DLG5: variants seen among roughly 807,000 people sequenced by gnomAD.
DLG5 encodes discs large MAGUK scaffold protein 5, also known as disks large homolog 5.
Under a neutral mutation model 189.8 loss-of-function variants are expected in DLG5, and 48 were observed. That is an observed-to-expected ratio of 0.25 (90% CI 0.20 to 0.32). The LOEUF (loss-of-function observed/expected upper bound fraction) is 0.32. Among genes scored for constraint, DLG5 ranks in the 10% least tolerant of loss-of-function variants. The pLI is 1.00. For synonymous variants in DLG5, 1,016 were observed against 1,054.1 expected, an observed-to-expected ratio of 0.96 and a Z score of 0.70; for missense variants, 2,160 against 2,544.7, an observed-to-expected ratio of 0.85 and a Z score of 3.25.
At chr10:77,858,596 C>A (rs12247985) in intron 2 of DLG5, among the ~76,000 whole-genome samples, 19,091 of 152,078 alleles carry the variant, frequency 0.13, 3,991 homozygotes, top group African/African-American at 0.43. Context: ...CGAGATCACA[C>A]CACTGTATTC....
At chr10:77,923,646 T>C (rs1846600758) in intron 1 of DLG5, among the ~76,000 whole-genome samples, 1 of 152,104 alleles carries the variant, frequency 6.6e-6, no homozygotes, top group Non-Finnish European at 1.5e-5. Context: ...TGGTCCCAGC[T>C]ACTTGCGGGG....
chr10:77,809,418 A>G, intron 24 of DLG5, 129 bp downstream of exon 24: 1 of 1,078,974 alleles, frequency 9.3e-7, no homozygotes, highest in Non-Finnish European at 1.3e-6. Flanking sequence ...CAACAACAAC[A>G]AAAGTCAGCC....
At position 77,821,077 on chromosome 10, in the gene DLG5, T is replaced by A. The variant is rs1270342210; in HGVS notation, c.3402+5A>T. On this transcript the variant is annotated splice_donor_5th_base_variant and intron_variant, in intron 15 of 31. Transcript: ENST00000372391. Reference sequence around the variant, plus strand: ...CCCTCCCCACACCCTGGGGCTCAGCTATACCTCCAGGAACTGAGCAGGAAT... The same window carrying A: ...CCCTCCCCACACCCTGGGGCTCAGCAATACCTCCAGGAACTGAGCAGGAAT... 6.2e-7 allele frequency: 1 copy of A among 1,602,042 alleles called. No individual in the cohort carries two copies. The highest frequency in any genetic ancestry group is 1.3e-5 in the African/African-American group (1 of 74,804).
intron 13 of DLG5, among the ~76,000 whole-genome samples, chr10:77,827,030 C>T (rs1842670977): frequency 6.6e-6 from 1 of 152,146 alleles, no homozygotes; most frequent in African/African-American, 2.4e-5. Context: ...CCTCAACCCC[C>T]CAAAAATGTG....
intron 2 of DLG5, among the ~76,000 whole-genome samples, chr10:77,865,733 CG>C (rs1844650838): frequency 6.6e-6 from 1 of 152,032 alleles, no homozygotes; most frequent in African/African-American, 2.4e-5. Context: ...GCGCAGGAAG[CG>C]GGGGAGGGCC....
rs180985122 is a variant in DLG5 at position 77,821,516 on chromosome 10, A to G, written c.2968T>C (p.Tyr990His). 2.7e-5 allele frequency: 44 copies of G among 1,612,464 alleles called. No individual in the cohort carries two copies. In the East Asian group the frequency reaches 8.9e-4, roughly 33 times the overall value. Residue 990 changes from tyrosine to histidine, a missense_variant, in exon 15 of 32, where the codon TAC becomes CAC. Around this residue, in one of 5 missense-constraint regions of DLG5, gnomAD observed 754 missense variants for 746.5 expected, o/e 1.01. Coordinates refer to ENST00000372391, the MANE Select transcript of DLG5 (RefSeq NM_004747.4). ...GCAGGCCCAGGACCTGGAAGCAGGT[A>G]GTCTATTTTGGGGGGTGTCTGGGGG... Reference protein sequence around the residue: ...KRPQTPPKIDYLLPGPGPAHS... With the variant: ...KRPQTPPKIDHLLPGPGPAHS...
At chr10:77,829,101 C>A in intron 12 of DLG5, 116 bp from the exon 13 acceptor site, 1 of 1,151,514 alleles carries the variant, frequency 8.7e-7, no homozygotes, top group Non-Finnish European at 1.2e-6. Context: ...AGGCTGCGCC[C>A]TGTCTACGCC....
chr10:77,810,716 C>A (rs531345202), intron 23 of DLG5, among the ~76,000 whole-genome samples: 1 of 152,220 alleles, frequency 6.6e-6, no homozygotes, highest in Non-Finnish European at 1.5e-5. Context: ...CTCTGCTGCA[C>A]GTGCCCGGCA....
chr10:77,837,118 G>A (rs935766533), intron 7 of DLG5, among the ~76,000 whole-genome samples: 6 of 149,986 alleles, frequency 4.0e-5, no homozygotes, highest in African/African-American at 1.5e-4. Context: ...GGGAGACTGA[G>A]GCAGGAGAAT....
rs1589264852 is a variant in DLG5 at position 77,898,787 on chromosome 10, T to C, written c.304+27430A>G. On this transcript the variant is annotated intron_variant, in intron 1 of 31. Coordinates refer to ENST00000372391, the MANE Select transcript of DLG5 (RefSeq NM_004747.4). ...GAGGGCCAGGCAGGCGGTAAGGAAG[T>C]AGAGGAAGCTCCGTGCTGTGCAAGG... 2.6e-5 allele frequency among the ~76,000 whole-genome samples: 4 copies of C among 152,218 alleles called. 1 individual carries two copies. The highest frequency in any genetic ancestry group is 2.6e-4 in the Admixed American group (4 of 15,302).
rs1436549083 is a variant in DLG5 at position 77,809,769 on chromosome 10, A to G, written c.4464-39T>C. On this transcript the variant is annotated intron_variant, in intron 23 of 31. Coordinates refer to ENST00000372391, the MANE Select transcript of DLG5 (RefSeq NM_004747.4). The stretch of plus-strand genomic sequence containing the variant: ...AACAAAGTTCCTCAACTGTGCACAA[A>G]GAGGAGGCACAAAAAGACAAAGCAG... 4 of 1,584,122 alleles carry G rather than the reference A, an allele frequency of 2.5e-6. No homozygotes were observed. In the African/African-American group the frequency reaches 5.4e-5, roughly 21 times the overall value.
rs1298387137 is a variant in DLG5, at chr10:77,792,403, G to A, written c.*37C>T. ...AAGAGCTGAGTCTGGTGTCCCCTCA[G>A]GCGGCCAGCTGCAGTCATCCACAGC... On this transcript the variant is annotated 3_prime_UTR_variant, in exon 32 of 32. Coordinates refer to ENST00000372391, the MANE Select transcript of DLG5 (RefSeq NM_004747.4). 1.3e-6 allele frequency: 2 copies of A among 1,593,366 alleles called. No homozygotes were observed. Among genetic ancestry groups the A allele is most frequent in the Non-Finnish European group, 8.6e-7 (1 of 1,161,170 alleles).
intron 14 of DLG5, among the ~76,000 whole-genome samples, chr10:77,823,582 G>A (rs1280613934): frequency 5.3e-5 from 8 of 150,742 alleles, no homozygotes; most frequent in African/African-American, 2.0e-4. Context: ...CCAGGCTGGA[G>A]TGCAAAGGCG....
chr10:77,796,352 C>G lies in DLG5; in HGVS notation c.5308+99G>C, dbSNP rs919265727. ...TCTGGAACACTGTGAAATCTGCCCC[C>G]CGGTACTGCCACCCACTGTGCACAG... On this transcript the variant is annotated intron_variant, in intron 28 of 31. Transcript: ENST00000372391. The surrounding 1 kb of genome is among the most constrained non-coding windows in gnomAD (Gnocchi z 5.2). The G allele has an allele frequency of 1.9e-5, 30 of 1,594,102 alleles. No homozygotes were observed. The highest frequency in any genetic ancestry group is 2.4e-5 in the Non-Finnish European group (28 of 1,167,360).
intron 1 of DLG5, among the ~76,000 whole-genome samples, chr10:77,909,280 C>G (rs1846149245): frequency 6.6e-6 from 1 of 152,130 alleles, no homozygotes; most frequent in African/African-American, 2.4e-5. Flanking sequence ...ACTGCATGTT[C>G]TCACTCCTAA....
In DLG5 at chr10:77,906,297, A is replaced by T. The variant is rs542991965; in HGVS notation, c.304+19920T>A. ...AGCATCCAGCTTTCTAGTTCCCACC[A>T]GTCTAAGAGGTGAAACAGGATCGAG... is the stretch of plus-strand genomic sequence containing the variant. On this transcript the variant is annotated intron_variant, in intron 1 of 31. Coordinates refer to ENST00000372391, the MANE Select transcript of DLG5 (RefSeq NM_004747.4). 3.3e-5 allele frequency among the ~76,000 whole-genome samples: 5 copies of T among 152,352 alleles called. No individual in the cohort carries two copies. In the East Asian group the frequency reaches 9.6e-4, roughly 29 times the overall value.
intron 27 of DLG5, among the ~76,000 whole-genome samples, chr10:77,801,498 G>A (rs547995614): frequency 1.6e-4 from 25 of 152,312 alleles, no homozygotes; most frequent in African/African-American, 5.5e-4. Flanking sequence ...ACCCCGAGGA[G>A]AGGCAAGGTC....
intron 21 of DLG5, 32 bp from the exon 22 acceptor site, chr10:77,812,089 G>C (rs1841804052): frequency 6.2e-7 from 1 of 1,605,336 alleles, no homozygotes; most frequent in African/African-American, 1.3e-5. Flanking sequence ...CTCAGTGGGG[G>C]GGTCGGGGCT....
At chr10:77,899,313 C>G (rs1172221298) in intron 1 of DLG5, among the ~76,000 whole-genome samples, 1 of 152,188 alleles carries the variant, frequency 6.6e-6, no homozygotes, top group Non-Finnish European at 1.5e-5. Context: ...AATCTGCCAG[C>G]AGGAACTGGT....
Sources: allele counts gnomAD v4.1 joint callset (sites outside exome capture counted in the v4.1 genomes callset), GRCh38; gene constraint gnomAD v4.1.1; regional missense constraint gnomAD v4.1.1; non-coding constraint Gnocchi (gnomAD v3.1); transcripts MANE v1.5; gene names NCBI Gene and HGNC (gene_info 2026-07-23, HGNC 2026-07-21).